The following NRG1 variants were observed in gnomAD, a reference collection of about 807,000 sequenced individuals.
NRG1 encodes the protein pro-neuregulin-1, membrane-bound isoform.
NRG1 carries 18 observed loss-of-function variants against 63.8 expected under a neutral mutation model. The ratio of observed to expected loss-of-function variants is 0.28; its 90% CI spans 0.19 to 0.42. The LOEUF (loss-of-function observed/expected upper bound fraction) is 0.42, where lower values mean the gene tolerates loss of function less well. Ranked by LOEUF, NRG1 falls within the 10% of genes least tolerant of loss-of-function variation. The pLI, the probability that NRG1 is intolerant of heterozygous loss-of-function variation, is 1.00. For synonymous variants in NRG1, 302 were observed against 301.3 expected, an observed-to-expected ratio of 1.00 and a Z score of -0.02; for missense variants, 762 against 814.7, an observed-to-expected ratio of 0.94 and a Z score of 0.79.
At chr8:31,774,534 T>C (rs755641623) in intron 1 of NRG1, among the ~76,000 whole-genome samples, 2 of 152,150 alleles carry the variant, frequency 1.3e-5, no homozygotes, top group East Asian at 1.9e-4. Context: ...GTATCTGGCA[T>C]AGTCGGGGGT....
At chr8:31,855,351 C>G (rs1827743012) in intron 1 of NRG1, among the ~76,000 whole-genome samples, 3 of 152,108 alleles carry the variant, frequency 2.0e-5, no homozygotes, top group Admixed American at 6.5e-5. Flanking sequence ...GAATTGATCC[C>G]TTTACCATTA....
intron 8 of NRG1, 92 bp from the exon 9 acceptor site, chr8:32,756,311 A>G (rs4733376): frequency 0.14 from 194,641 of 1,437,856 alleles, 18,226 homozygotes; most frequent in African/African-American, 0.4. Context: ...ACTGCCTTGA[A>G]CTACTCATAG....
intron 1 of NRG1, among the ~76,000 whole-genome samples, chr8:32,373,097 G>A (rs1441621673): frequency 6.6e-6 from 1 of 152,170 alleles, no homozygotes; most frequent in Non-Finnish European, 1.5e-5. Flanking sequence ...AGATGTTAGT[G>A]TGAGAACTAT....
intron 1 of NRG1, among the ~76,000 whole-genome samples, chr8:31,864,727 T>C (rs1337091678): frequency 1.3e-5 from 2 of 152,230 alleles, no homozygotes; most frequent in South Asian, 2.1e-4. Flanking sequence ...AGCACTGAAA[T>C]GTGTGAGGGT....
At chr8:32,363,203 C>A (rs1290626307) in intron 1 of NRG1, among the ~76,000 whole-genome samples, 1 of 152,226 alleles carries the variant, frequency 6.6e-6, no homozygotes, top group East Asian at 1.9e-4. Context: ...TGATAAACAA[C>A]TGAGATGGTT....
chr8:32,040,440 G>T (rs1043040594), intron 1 of NRG1, among the ~76,000 whole-genome samples: 1 of 151,962 alleles, frequency 6.6e-6, no homozygotes, highest in African/African-American at 2.4e-5. Context: ...ATATGAATGT[G>T]CAATTGAAGC....
chr8:31,745,003 A>G (rs369306735), intron 1 of NRG1, among the ~76,000 whole-genome samples: 2 of 151,978 alleles, frequency 1.3e-5, no homozygotes, highest in South Asian at 2.1e-4. Flanking sequence ...AGTAGGAATG[A>G]AAAGGGTGGG....
chr8:32,368,627 G>T (rs943611347), intron 1 of NRG1, among the ~76,000 whole-genome samples: 1 of 152,156 alleles, frequency 6.6e-6, no homozygotes, highest in African/African-American at 2.4e-5. Flanking sequence ...AATTTAGCTT[G>T]TTCAAGTGTA....
At chr8:32,461,502 C>G (rs919035146) in intron 1 of NRG1, among the ~76,000 whole-genome samples, 5 of 152,012 alleles carry the variant, frequency 3.3e-5, no homozygotes. Context: ...AGTTCGAGAC[C>G]AGCTTTGCCA....
chr8:31,664,007 G>A (rs927177169), intron 1 of NRG1, among the ~76,000 whole-genome samples: 7 of 152,050 alleles, frequency 4.6e-5, no homozygotes, highest in Admixed American at 4.6e-4. Context: ...TTTTCTTATA[G>A]AATAATTACT....
intron 1 of NRG1, among the ~76,000 whole-genome samples, chr8:32,068,350 C>G (rs1329697537): frequency 1.3e-5 from 2 of 152,178 alleles, no homozygotes; most frequent in East Asian, 3.9e-4. Flanking sequence ...GTGAAGAAAC[C>G]TGGACATGAC....
chr8:32,196,002 G>T (rs115719653), intron 1 of NRG1, among the ~76,000 whole-genome samples: 3,440 of 152,190 alleles, frequency 0.023, 131 homozygotes, highest in African/African-American at 0.079. Flanking sequence ...TAAATGTAAA[G>T]TACAGGCACT....
At chr8:32,039,076 T>C (rs1462906) in intron 1 of NRG1, among the ~76,000 whole-genome samples, 120,678 of 152,156 alleles carry the variant, frequency 0.79, 53,871 homozygotes, top group East Asian at 0.99. Context: ...CTTTGTGTTA[T>C]AATTGCAGCT....
chr8:32,689,452 G>A (rs546833581), intron 5 of NRG1, among the ~76,000 whole-genome samples: 1 of 152,062 alleles, frequency 6.6e-6, no homozygotes, highest in Non-Finnish European at 1.5e-5. Context: ...TTAATAAACG[G>A]CTGTTTGTTG....
intron 1 of NRG1, among the ~76,000 whole-genome samples, chr8:32,464,663 C>A (rs563030669): frequency 1.2e-4 from 19 of 152,160 alleles, no homozygotes; most frequent in African/African-American, 3.9e-4. Flanking sequence ...CTTCCCAGAC[C>A]GTGGTTTTTT....
chr8:31,682,863 A>C (rs1414332804), intron 1 of NRG1, among the ~76,000 whole-genome samples: 1 of 152,118 alleles, frequency 6.6e-6, no homozygotes, highest in Non-Finnish European at 1.5e-5. Flanking sequence ...ACTCAAGAAA[A>C]ACAAGTGAAT....
At chr8:31,790,199 C>T (rs1378589802) in intron 1 of NRG1, among the ~76,000 whole-genome samples, 1 of 152,038 alleles carries the variant, frequency 6.6e-6, no homozygotes, top group Non-Finnish European at 1.5e-5. Context: ...AATCAATATG[C>T]TTAGTGAAGA....
chr8:31,886,319 A>G (rs938225721), intron 1 of NRG1, among the ~76,000 whole-genome samples: 2 of 152,140 alleles, frequency 1.3e-5, no homozygotes, highest in East Asian at 3.9e-4. Flanking sequence ...TCATCCAGAG[A>G]TGATCCATGT....
intron 1 of NRG1, among the ~76,000 whole-genome samples, chr8:31,989,534 G>C (rs1810703080): frequency 1.3e-5 from 2 of 151,942 alleles, no homozygotes; most frequent in African/African-American, 4.8e-5. Flanking sequence ...TATGCCTCAA[G>C]TACTTCCTTT....
Sources: gnomAD v4.1 joint callset for allele counts (sites outside exome capture counted in the v4.1 genomes callset) on GRCh38, gnomAD v4.1.1 for gene constraint, MANE v1.5 for transcripts, NCBI Gene and HGNC (gene_info 2026-07-23, HGNC 2026-07-21) for gene names.